SKIC8: variants seen among roughly 807,000 people sequenced by gnomAD.
SKIC8 encodes the protein SKI8 subunit of superkiller complex.
At chr15:78,287,252 C>T in the SKIC8 span, among the ~76,000 whole-genome samples, 1 of 152,178 alleles carries the variant, frequency 6.6e-6, no homozygotes, top group Non-Finnish European at 1.5e-5. Flanking sequence ...ATTTATACTG[C>T]CTCTGCCACT....
the SKIC8 span, chr15:78,288,180 T>C: frequency 5.5e-5 from 63 of 1,143,696 alleles, 1 homozygote; most frequent in Middle Eastern, 2.6e-4. Flanking sequence ...AGGTGTCTGA[T>C]GTGACTTGAG....
chr15:78,283,443 A>C, the SKIC8 span: 3 of 1,613,454 alleles, frequency 1.9e-6, no homozygotes, highest in Non-Finnish European at 2.5e-6. Context: ...TAAATTGGAC[A>C]ATCATAGATG....
At chr15:78,299,243 A>T in the SKIC8 span, among the ~76,000 whole-genome samples, 2 of 152,174 alleles carry the variant, frequency 1.3e-5, no homozygotes, top group African/African-American at 2.4e-5. Context: ...ACTTCGGTTA[A>T]TACAGCCCTC....
At chr15:78,294,873 T>C in the SKIC8 span, 8 of 1,590,278 alleles carry the variant, frequency 5.0e-6, no homozygotes, top group Admixed American at 1.7e-5. Flanking sequence ...CTGGTCAGCA[T>C]GACAAAAGTC....
the SKIC8 span, chr15:78,292,459 G>T: frequency 1.3e-6 from 1 of 745,398 alleles, no homozygotes; most frequent in Non-Finnish European, 2.2e-6. Context: ...GCTGTTTCCA[G>T]CCCCACTGAG....
the SKIC8 span, chr15:78,289,975 T>C: frequency 6.2e-7 from 1 of 1,613,808 alleles, no homozygotes; most frequent in African/African-American, 1.3e-5. Flanking sequence ...GAATGAATTT[T>C]CCTCTCGTGT....
At chr15:78,295,741 C>A in the SKIC8 span, 1 of 1,513,096 alleles carries the variant, frequency 6.6e-7, no homozygotes, top group Non-Finnish European at 8.8e-7. Flanking sequence ...GAAACAACAC[C>A]AGGATTTCAG....
At chr15:78,298,796 AG>A in the SKIC8 span, among the ~76,000 whole-genome samples, 3 of 152,174 alleles carry the variant, frequency 2.0e-5, no homozygotes, top group Admixed American at 2.0e-4. Flanking sequence ...CCCGCAGATA[AG>A]GGGGGAACTA....
the SKIC8 span, chr15:78,295,443 T>C: frequency 7.6e-6 from 5 of 658,796 alleles, no homozygotes. Context: ...AAGCTTCTTC[T>C]ATTACTCACT....
At chr15:78,287,073 TGGGTCTTC>T in the SKIC8 span, among the ~76,000 whole-genome samples, 1 of 152,150 alleles carries the variant, frequency 6.6e-6, no homozygotes, top group African/African-American at 2.4e-5. Flanking sequence ...AAAACATTCT[TGGGTCTTC>T]ATTCAGTACC....
the SKIC8 span, chr15:78,286,269 T>A: frequency 3.0e-6 from 2 of 671,852 alleles, no homozygotes; most frequent in Admixed American, 6.2e-5. Flanking sequence ...GAATACTATA[T>A]CAAAAATTCC....
At chr15:78,290,650 A>C in the SKIC8 span, 1 of 152,336 alleles carries the variant, frequency 6.6e-6, no homozygotes, top group African/African-American at 2.4e-5. Flanking sequence ...AAATTCATCC[A>C]AGGAGTTTTA....
chr15:78,294,745 T>G, the SKIC8 span: 2 of 568,260 alleles, frequency 3.5e-6, no homozygotes. Flanking sequence ...GACTGCTTTT[T>G]TTTTTTAGCT....
At chr15:78,288,043 G>C in the SKIC8 span, among the ~76,000 whole-genome samples, 2 of 152,082 alleles carry the variant, frequency 1.3e-5, no homozygotes, top group African/African-American at 4.8e-5. Context: ...CAAAAATCAG[G>C]CTGCCTGAGA....
the SKIC8 span, chr15:78,292,836 T>C: frequency 1.9e-6 from 3 of 1,601,314 alleles, no homozygotes; most frequent in African/African-American, 4.0e-5. Context: ...GAACACACTT[T>C]ACCTGGCATC....
the SKIC8 span, chr15:78,289,663 T>C: frequency 6.2e-7 from 1 of 1,614,238 alleles, no homozygotes; most frequent in Non-Finnish European, 8.5e-7. Flanking sequence ...ATCAAAAATA[T>C]TGATGATTCC....
the SKIC8 span, chr15:78,292,578 T>C: frequency 1.2e-6 from 2 of 1,613,472 alleles, no homozygotes; most frequent in East Asian, 2.2e-5. Flanking sequence ...AAAGAAATCA[T>C]GAACCTCTAT....
chr15:78,284,464 A>G, the SKIC8 span: 1 of 152,254 alleles, frequency 6.6e-6, no homozygotes, highest in African/African-American at 2.4e-5. Context: ...AAAATATATT[A>G]AAAGCCAATA....
chr15:78,283,631 G>A, the SKIC8 span: 2 of 814,302 alleles, frequency 2.5e-6, no homozygotes, highest in Non-Finnish European at 3.8e-6. Flanking sequence ...ACTGAGATGA[G>A]GATGTTCTTG....
Sources: gnomAD v4.1 joint callset for allele counts (sites outside exome capture counted in the v4.1 genomes callset) on GRCh38, gnomAD v4.1.1 for gene constraint, MANE v1.5 for transcripts, NCBI Gene and HGNC (gene_info 2026-07-23, HGNC 2026-07-21) for gene names.